The following ANKS6 variants were observed in gnomAD, a reference collection of about 807,000 sequenced individuals.
ANKS6 encodes ankyrin repeat and sterile alpha motif domain containing 6, also known as ankyrin repeat and SAM domain-containing protein 6.
A neutral mutation model predicts 77.9 loss-of-function variants in ANKS6; 47 were observed. That is an observed-to-expected ratio of 0.60 (90% CI 0.48 to 0.77). The LOEUF (loss-of-function observed/expected upper bound fraction) is 0.77, where lower values mean the gene tolerates loss of function less well. Ranked by LOEUF, ANKS6 falls within the 30% of genes least tolerant of loss-of-function variation. The probability of loss-of-function intolerance (pLI) is 0.00; values close to 1 mark genes in which losing one functional copy is unlikely to be tolerated. For synonymous variants in ANKS6, 488 were observed against 501.7 expected (o/e 0.97, Z 0.37); for missense variants, 1,150 against 1,159.1 (o/e 0.99, Z 0.11).
At chr9:98,783,802 G>T in intron 4 of ANKS6, 151 bp downstream of exon 4, 1 of 475,472 alleles carries the variant, frequency 2.1e-6, no homozygotes, top group Non-Finnish European at 2.9e-6. Flanking sequence ...AGCCTGTGCC[G>T]CTTTTTTTTT....
Position 98,734,345 on chromosome 9 carries a change from T to G in ANKS6, c.*2174A>C, listed in dbSNP as rs988703222. The G allele has an allele frequency of 1.0e-6, 1 of 985,314 alleles. No homozygotes were observed. The highest frequency in any genetic ancestry group is 1.2e-6 in the Non-Finnish European group (1 of 829,974). The allele number at this position is 985,314 out of a possible 1,614,324, so 61.0% of individuals were successfully genotyped here. ...CATTTGTGAAAAGGTGACCCCCCGG[T>G]GCAGCTGTGTATCATTGTTCAATCA... is the stretch of plus-strand genomic sequence containing the variant. On this transcript the variant is annotated 3_prime_UTR_variant, in exon 15 of 15. Coordinates refer to ENST00000353234, the MANE Select transcript of ANKS6 (RefSeq NM_173551.5).
chr9:98,796,346 G>C lies in ANKS6; in HGVS notation c.146C>G (p.Pro49Arg), dbSNP rs1482337007. 2.1e-5 allele frequency: 25 copies of C among 1,169,160 alleles called. No individual in the cohort carries two copies. Among genetic ancestry groups the C allele is most frequent in the Non-Finnish European group, 2.4e-5 (23 of 949,152 alleles). 72.4% of individuals were successfully genotyped at this position (1,169,160 alleles called of 1,614,324 possible). A position where few individuals can be genotyped will look rare whatever the true frequency, so the allele number is the denominator to read the frequency against. Residue 49 changes from proline to arginine, a missense_variant, in exon 1 of 15, where the codon CCG (proline) becomes CGG (arginine). Pro to Arg is a moderately radical substitution (Grantham distance 103). Coordinates refer to ENST00000353234, the MANE Select transcript of ANKS6 (RefSeq NM_173551.5). The stretch of plus-strand genomic sequence containing the variant: ...GGGCCCGGCCACCTCGGCCCCCGCC[G>C]GCTCCGCGCCCGCCTCCGGCTCCGC... ...RGAEPEAGAE[P>R]AGAEVAGPGA...
chr9:98,735,032 G>C lies in ANKS6; in HGVS notation c.*1487C>G, dbSNP rs1831417984. 2 of 985,266 alleles carry C rather than the reference G, an allele frequency of 2.0e-6. No individual in the cohort carries two copies. The highest frequency in any genetic ancestry group is 1.7e-5 in the African/African-American group (1 of 57,214). 61.0% of individuals were successfully genotyped at this position (985,266 alleles called of 1,614,324 possible). A position where few individuals can be genotyped will look rare whatever the true frequency, so the allele number is the denominator to read the frequency against. On this transcript the variant is annotated 3_prime_UTR_variant, in exon 15 of 15. Coordinates refer to ENST00000353234, the MANE Select transcript of ANKS6 (RefSeq NM_173551.5). ...CATAGGGGAATGGGCTTTCATGGCTGGGGGAGGGACAGATGAGAGATGGCA... is the reference window on the plus strand; with the variant it reads ...CATAGGGGAATGGGCTTTCATGGCTCGGGGAGGGACAGATGAGAGATGGCA...
At chr9:98,739,830 C>T (rs963390439) in intron 14 of ANKS6, among the ~76,000 whole-genome samples, 1 of 129,658 alleles carries the variant, frequency 7.7e-6, no homozygotes, top group African/African-American at 3.1e-5. Context: ...TCTCGGCTCA[C>T]TGCAGGCTCC....
At position 98,768,165 on chromosome 9, in the gene ANKS6, C is replaced by T; in HGVS notation, c.2058G>A (p.Arg686=). ...AGLLEQKPSH[R]SSPVGPAPGS... is the part of the protein sequence containing the mutation. ...CCGGTGCTGGCCCCACAGGGCTTGA[C>T]CGATGGCTGGGTTTCTGCTCCAATA... Residue 686 remains arginine, a synonymous_variant, in exon 11 of 15, where the codon CGG becomes CGA. Coordinates refer to ENST00000353234, the MANE Select transcript of ANKS6 (RefSeq NM_173551.5). 1 of 1,614,020 alleles carries T rather than the reference C, an allele frequency of 6.2e-7. No homozygotes were observed. The highest frequency in any genetic ancestry group is 8.5e-7 in the Non-Finnish European group (1 of 1,180,012).
At position 98,745,680 on chromosome 9, in the gene ANKS6, GGAGA is replaced by G; in HGVS notation, c.2395-9_2395-6del. On this transcript the variant is annotated splice_polypyrimidine_tract_variant and splice_region_variant and intron_variant, in intron 13 of 14. Transcript: ENST00000353234. ...GAGGAACGCTTCCATGTCCACCTGG[GGAGA>G]GAGAGGGGATTTGCCACCATCTGCT... 1 of 1,609,440 alleles carries G rather than the reference GGAGA, an allele frequency of 6.2e-7. No individual in the cohort carries two copies. The highest frequency in any genetic ancestry group is 8.5e-7 in the Non-Finnish European group (1 of 1,175,728).
At chr9:98,795,129 G>A (rs924768359) in intron 1 of ANKS6, among the ~76,000 whole-genome samples, 1 of 152,022 alleles carries the variant, frequency 6.6e-6, no homozygotes, top group African/African-American at 2.4e-5. Context: ...AGGGCCAGTC[G>A]TCAACTCCTG....
chr9:98,751,813 G>A (rs146834257), intron 12 of ANKS6, among the ~76,000 whole-genome samples: 6 of 152,324 alleles, frequency 3.9e-5, no homozygotes, highest in Admixed American at 2.6e-4. Context: ...CGGGCAGGTC[G>A]TGCATGCCTG....
At position 98,790,180 on chromosome 9, in the gene ANKS6, G is replaced by A. The variant is rs370312253; in HGVS notation, c.786C>T (p.Phe262=). Residue 262 remains phenylalanine, a synonymous_variant, in exon 2 of 15, where the codon TTC becomes TTT. Coordinates refer to ENST00000353234, the MANE Select transcript of ANKS6 (RefSeq NM_173551.5). ...TGTGCTTGCAGTCCAGTGCAACCTC[G>A]AAGGCGGTCTTCTCCAGCACGCTGA... is the stretch of plus-strand genomic sequence containing the variant. The part of the protein sequence containing the change: ...DHLSVLEKTA[F]EVALDCKHRD... 21 of 1,601,846 alleles carry A rather than the reference G, an allele frequency of 1.3e-5. No individual in the cohort carries two copies. The highest frequency in any genetic ancestry group is 1.8e-5 in the Non-Finnish European group (21 of 1,170,226).
At chr9:98,750,064 T>C (rs1832343671) in intron 13 of ANKS6, among the ~76,000 whole-genome samples, 1 of 152,212 alleles carries the variant, frequency 6.6e-6, no homozygotes, top group Admixed American at 6.5e-5. Context: ...TCAATGATTT[T>C]TAGTATATTC....
intron 5 of ANKS6, among the ~76,000 whole-genome samples, chr9:98,781,798 A>G (rs1834277451): frequency 6.6e-6 from 1 of 152,178 alleles, no homozygotes; most frequent in Admixed American, 6.5e-5. Flanking sequence ...GAATCCCAGC[A>G]CAGGGTTCAA....
At chr9:98,762,816 T>C (rs1485191404) in intron 11 of ANKS6, among the ~76,000 whole-genome samples, 3 of 152,096 alleles carry the variant, frequency 2.0e-5, no homozygotes, top group African/African-American at 7.2e-5. Flanking sequence ...TTTATATTCA[T>C]GAGGGCTACT....
intron 2 of ANKS6, among the ~76,000 whole-genome samples, chr9:98,789,073 A>G (rs1834740921): frequency 6.8e-6 from 1 of 147,660 alleles, no homozygotes; most frequent in Non-Finnish European, 1.5e-5. Context: ...TCTAATAAGC[A>G]TTTACCAAAT....
intron 11 of ANKS6, among the ~76,000 whole-genome samples, chr9:98,761,978 A>G (rs564707661): frequency 6.6e-6 from 1 of 152,324 alleles, no homozygotes; most frequent in South Asian, 2.1e-4. Flanking sequence ...TTTAATCTGT[A>G]GATCAAATTG....
intron 2 of ANKS6, chr9:98,789,890 A>C: frequency 1.6e-6 from 1 of 611,190 alleles, no homozygotes; most frequent in East Asian, 3.0e-5. Flanking sequence ...GCTCTTGCCC[A>C]GGGCTACCAA....
At position 98,796,346 on chromosome 9, in the gene ANKS6, G is replaced by A; in HGVS notation, c.146C>T (p.Pro49Leu). The change falls in exon 1 of 15, where the codon CCG becomes CTG. Residue 49 changes from proline (P) to leucine (L), a missense_variant. Pro to Leu is a moderately conservative substitution (Grantham distance 98, BLOSUM62 -3). Transcript: ENST00000353234. Reference protein sequence around the residue: ...RGAEPEAGAEPAGAEVAGPGA... With the variant: ...RGAEPEAGAELAGAEVAGPGA... ...GGGCCCGGCCACCTCGGCCCCCGCC[G>A]GCTCCGCGCCCGCCTCCGGCTCCGC... is the stretch of plus-strand genomic sequence containing the variant. 8.6e-7 allele frequency: 1 copy of A among 1,169,268 alleles called. No individual in the cohort carries two copies. Among genetic ancestry groups the A allele is most frequent in the Non-Finnish European group, 1.1e-6 (1 of 949,142 alleles). The allele number at this position is 1,169,268 out of a possible 1,614,324, so 72.4% of individuals were successfully genotyped here.
chr9:98,790,481 A>G lies in ANKS6; in HGVS notation c.485T>C (p.Leu162Pro), dbSNP rs756582929. The G allele has an allele frequency of 6.2e-7, 1 of 1,613,600 alleles. No individual in the cohort carries two copies. Among genetic ancestry groups the G allele is most frequent in the Non-Finnish European group, 8.5e-7 (1 of 1,179,966 alleles). Reference sequence around the variant, plus strand: ...CACAAAGGCACCGGCTTCCAGGAGCAGCTTCACCACACCCAGGTGGCCGCC... The same window carrying G: ...CACAAAGGCACCGGCTTCCAGGAGCGGCTTCACCACACCCAGGTGGCCGCC... ...SRGGHLGVVK[L>P]LLEAGAFVDH... The change falls in exon 2 of 15, where the codon CTG (leucine) becomes CCG (proline). Residue 162 changes from leucine (L) to proline (P), a missense_variant. By Grantham distance (98) the Leu-to-Pro change is moderately conservative (BLOSUM62 -3). Coordinates refer to ENST00000353234, the MANE Select transcript of ANKS6 (RefSeq NM_173551.5).
chr9:98,765,640 T>C (rs1046940408), intron 11 of ANKS6, among the ~76,000 whole-genome samples: 9 of 152,112 alleles, frequency 5.9e-5, no homozygotes, highest in African/African-American at 1.2e-4. Flanking sequence ...TTGTTTGAAA[T>C]GACTGAGCTT....
intron 1 of ANKS6, among the ~76,000 whole-genome samples, chr9:98,795,593 G>GT (rs1294241097): frequency 6.6e-6 from 1 of 152,168 alleles, no homozygotes; most frequent in African/African-American, 2.4e-5. Context: ...CAGCCCACTT[G>GT]TAATGTCCTG....
Sources: allele counts gnomAD v4.1 joint callset (sites outside exome capture counted in the v4.1 genomes callset), GRCh38; gene constraint gnomAD v4.1.1; transcripts MANE v1.5; gene names NCBI Gene and HGNC (gene_info 2026-07-23, HGNC 2026-07-21).